Variants in MACROD2 observed in about 807,000 individuals in gnomAD.
The protein encoded by MACROD2 is mono-ADP ribosylhydrolase 2, also known as ADP-ribose glycohydrolase MACROD2.
MACROD2 carries 36 observed loss-of-function variants against 70.4 expected under a neutral mutation model. The ratio of observed to expected loss-of-function variants is 0.51; its 90% CI spans 0.39 to 0.68. The LOEUF (loss-of-function observed/expected upper bound fraction) is 0.68, where lower values mean the gene tolerates loss of function less well. Ranked by LOEUF, MACROD2 falls within the 30% of genes least tolerant of loss-of-function variation. MACROD2 has a pLI of 0.00. For missense variants in MACROD2, 496 were observed against 538.4 expected (o/e 0.92, Z 0.78); for synonymous variants, 172 against 178.8 (o/e 0.96, Z 0.30).
At chr20:15,294,462 C>A (rs2146113338) in intron 6 of MACROD2, among the ~76,000 whole-genome samples, 1 of 152,294 alleles carries the variant, frequency 6.6e-6, no homozygotes, top group Middle Eastern at 3.4e-3. Flanking sequence ...TTACTCAACC[C>A]AAGATAGCAC....
At chr20:14,518,679 G>A (rs912048520) in intron 4 of MACROD2, among the ~76,000 whole-genome samples, 2 of 152,128 alleles carry the variant, frequency 1.3e-5, no homozygotes, top group East Asian at 1.9e-4. Context: ...GAATCAGAGA[G>A]AGAAAAAGTC....
chr20:14,263,333 A>G (rs2082115850), intron 3 of MACROD2, among the ~76,000 whole-genome samples: 1 of 152,204 alleles, frequency 6.6e-6, no homozygotes, highest in African/African-American at 2.4e-5. Flanking sequence ...AAGAGCATGA[A>G]GCCAATAAGC....
intron 3 of MACROD2, among the ~76,000 whole-genome samples, chr20:14,117,461 T>C (rs775293919): frequency 5.2e-4 from 79 of 152,162 alleles, no homozygotes; most frequent in Non-Finnish European, 1.0e-3. Flanking sequence ...AAATGAGATA[T>C]GGTTTCTGGA....
intron 5 of MACROD2, among the ~76,000 whole-genome samples, chr20:14,974,299 A>G (rs2074718188): frequency 6.6e-6 from 1 of 152,152 alleles, no homozygotes; most frequent in South Asian, 2.1e-4. Context: ...GAGGGCACCG[A>G]TGTTCAAACT....
intron 4 of MACROD2, among the ~76,000 whole-genome samples, chr20:14,533,643 A>G (rs1424259807): frequency 6.6e-6 from 1 of 152,256 alleles, no homozygotes; most frequent in Admixed American, 6.5e-5. Flanking sequence ...AACTTAAAGT[A>G]TAATTAAAAA....
intron 6 of MACROD2, among the ~76,000 whole-genome samples, chr20:15,352,578 ACATATTT>A (rs1472850598): frequency 2.0e-5 from 3 of 152,214 alleles, no homozygotes; most frequent in African/African-American, 7.2e-5. Flanking sequence ...ATGCCATTTT[ACATATTT>A]TTAAATAATA....
chr20:14,201,579 C>T (rs914751471), intron 3 of MACROD2, among the ~76,000 whole-genome samples: 12 of 152,036 alleles, frequency 7.9e-5, no homozygotes, highest in Non-Finnish European at 1.0e-4. Context: ...TGGTGGCTCA[C>T]GTCTGTAATA....
intron 6 of MACROD2, among the ~76,000 whole-genome samples, chr20:15,410,092 T>G (rs1231423222): frequency 6.6e-6 from 1 of 152,226 alleles, no homozygotes; most frequent in Non-Finnish European, 1.5e-5. Context: ...CTATAAGATT[T>G]TTTGAGAATG....
intron 5 of MACROD2, among the ~76,000 whole-genome samples, chr20:14,993,196 G>A (rs2074920271): frequency 6.6e-6 from 1 of 151,624 alleles, no homozygotes; most frequent in South Asian, 2.1e-4. Context: ...TGCTATTCGT[G>A]AACTTGTTTA....
chr20:14,820,561 G>C (rs1177989201), intron 5 of MACROD2, among the ~76,000 whole-genome samples: 1 of 151,904 alleles, frequency 6.6e-6, no homozygotes, highest in Non-Finnish European at 1.5e-5. Context: ...AATTAAGTGA[G>C]CTTCCCTACA....
At chr20:15,658,084 G>A (rs562873129) in intron 8 of MACROD2, among the ~76,000 whole-genome samples, 1 of 152,002 alleles carries the variant, frequency 6.6e-6, no homozygotes, top group African/African-American at 2.4e-5. Flanking sequence ...TTGTCAAAGG[G>A]AGCTAATAGC....
intron 5 of MACROD2, among the ~76,000 whole-genome samples, chr20:15,077,672 C>T (rs751799734): frequency 6.6e-6 from 1 of 152,132 alleles, no homozygotes; most frequent in Non-Finnish European, 1.5e-5. Flanking sequence ...ATCCTTATGC[C>T]TTCCTGGTGA....
intron 6 of MACROD2, among the ~76,000 whole-genome samples, chr20:15,250,603 A>G (rs905576541): frequency 6.6e-6 from 1 of 152,176 alleles, no homozygotes; most frequent in Non-Finnish European, 1.5e-5. Context: ...TTATCATTTC[A>G]ACATTTTATG....
chr20:15,205,651 G>A (rs888273969), intron 5 of MACROD2, among the ~76,000 whole-genome samples: 1 of 152,086 alleles, frequency 6.6e-6, no homozygotes, highest in Non-Finnish European at 1.5e-5. Flanking sequence ...CTAAGTTTCT[G>A]TTACTTCAAA....
chr20:14,074,809 T>C (rs991750967), intron 2 of MACROD2, among the ~76,000 whole-genome samples: 1 of 152,210 alleles, frequency 6.6e-6, no homozygotes, highest in Non-Finnish European at 1.5e-5. Context: ...AGTGGTCAAC[T>C]GTGGTCTGAA....
chr20:14,965,453 C>CTTTTTTTTTTTTTTTTTT (rs532870999), intron 5 of MACROD2, among the ~76,000 whole-genome samples: 3 of 68,074 alleles, frequency 4.4e-5, no homozygotes, highest in Non-Finnish European at 8.1e-5. Context: ...ATTTTTTTTT[C>CTTTTTTTTTTTTTTTTTT]TTTTTTTTTT....
chr20:14,815,548 C>G (rs140577287), intron 5 of MACROD2, among the ~76,000 whole-genome samples: 74 of 152,042 alleles, frequency 4.9e-4, no homozygotes, highest in African/African-American at 1.6e-3. Context: ...TCTGAATTCC[C>G]TCTATAGCAT....
At chr20:15,486,752 A>G (rs1471119249) in intron 7 of MACROD2, among the ~76,000 whole-genome samples, 1 of 152,248 alleles carries the variant, frequency 6.6e-6, no homozygotes, top group African/African-American at 2.4e-5. Context: ...CTAGATAGGA[A>G]TGAAAACCAT....
At chr20:14,313,993 A>G (rs2082590768) in intron 3 of MACROD2, among the ~76,000 whole-genome samples, 1 of 152,166 alleles carries the variant, frequency 6.6e-6, no homozygotes, top group Non-Finnish European at 1.5e-5. Flanking sequence ...TGGCTAATTC[A>G]TCTGAAACAC....
Sources: allele counts gnomAD v4.1 joint callset (sites outside exome capture counted in the v4.1 genomes callset), GRCh38; gene constraint gnomAD v4.1.1; transcripts MANE v1.5; gene names NCBI Gene and HGNC (gene_info 2026-07-23, HGNC 2026-07-21).